Variants in LCORL observed in about 807,000 individuals in gnomAD.
LCORL encodes ligand dependent nuclear receptor corepressor like.
In LCORL, 41 loss-of-function variants were observed where a neutral mutation model predicts 141.8. The observed-to-expected ratio is 0.29, with a 90% CI of 0.23 to 0.38. LCORL has a LOEUF of 0.38. Among genes scored for constraint, LCORL ranks in the 10% least tolerant of loss-of-function variants. The pLI, the probability that LCORL is intolerant of heterozygous loss-of-function variation, is 1.00. For missense variants in LCORL, 1,759 were observed against 2,035.0 expected (o/e 0.86, Z 2.61); for synonymous variants, 618 against 694.1 (o/e 0.89, Z 1.72).
intron 5 of LCORL, among the ~76,000 whole-genome samples, chr4:17,897,749 G>A (rs940818947): frequency 1.5e-4 from 23 of 151,986 alleles, no homozygotes; most frequent in African/African-American, 5.6e-4. Context: ...CTTTAACATT[G>A]ACTCCTGTAT....
intron 4 of LCORL, among the ~76,000 whole-genome samples, chr4:17,940,151 TATGTATATATATGTATAC>T (rs1737659404): frequency 7.6e-6 from 1 of 131,978 alleles, no homozygotes; most frequent in Non-Finnish European, 1.7e-5. Flanking sequence ...TATATGTATA[TATGTATATATATGTATAC>T]ATGTATATAT....
chr4:17,990,070 C>G (rs1454460281), intron 1 of LCORL, among the ~76,000 whole-genome samples: 3 of 150,414 alleles, frequency 2.0e-5, no homozygotes, highest in Non-Finnish European at 3.0e-5. Flanking sequence ...CTTCTACCAC[C>G]AGCAGAAAAA....
intron 1 of LCORL, among the ~76,000 whole-genome samples, chr4:17,987,657 T>C (rs778538923): frequency 6.6e-6 from 1 of 152,182 alleles, no homozygotes; most frequent in African/African-American, 2.4e-5. Context: ...CCTATAACAA[T>C]TTCTCCACAT....
chr4:17,877,189 GAAT>G, exon 7 of LCORL: 1 of 1,230,160 alleles, frequency 8.1e-7, no homozygotes, highest in African/African-American at 1.6e-5. Context: ...AATCTTGTCT[GAAT>G]AATTTTATTT....
exon 7 of LCORL, chr4:17,876,976 G>C: frequency 8.1e-7 from 1 of 1,230,470 alleles, no homozygotes; most frequent in Non-Finnish European, 1.0e-6. Flanking sequence ...GAAGGCCCTT[G>C]GTCATGATAG....
intron 1 of LCORL, among the ~76,000 whole-genome samples, chr4:17,999,003 TAC>T (rs1164083963): frequency 1.7e-4 from 11 of 65,050 alleles, no homozygotes; most frequent in African/African-American, 6.1e-4. Context: ...TATATATATA[TAC>T]ACACATATAT....
chr4:17,848,937 C>T (rs1394658647), intron 7 of LCORL, among the ~76,000 whole-genome samples: 1 of 152,242 alleles, frequency 6.6e-6, no homozygotes, highest in Non-Finnish European at 1.5e-5. Context: ...GCTAGCACAG[C>T]AGTCTGAGAT....
intron 7 of LCORL, among the ~76,000 whole-genome samples, chr4:17,866,103 T>G (rs1313108548): frequency 6.6e-6 from 1 of 152,164 alleles, no homozygotes; most frequent in Non-Finnish European, 1.5e-5. Flanking sequence ...CATCTCCTTC[T>G]TTCTTGACTA....
At chr4:17,972,480 A>C (rs895031314) in intron 2 of LCORL, among the ~76,000 whole-genome samples, 3 of 151,782 alleles carry the variant, frequency 2.0e-5, no homozygotes, top group Non-Finnish European at 4.4e-5. Flanking sequence ...AAGTTTAATA[A>C]TTTGATTAAG....
rs1379188945 is a variant in LCORL at position 17,916,821 on chromosome 4, T to C, written c.431-7476A>G. On this transcript the variant is annotated intron_variant, in intron 4 of 7. Coordinates refer to ENST00000635767, the Ensembl canonical transcript of LCORL. ...CACCAAGCCCAGCTAAGTTTTGTAT[T>C]TTTAGTAGCGGCTGGGTTTTGCCAT... 5.3e-5 allele frequency among the ~76,000 whole-genome samples: 8 copies of C among 152,062 alleles called. No homozygotes were observed. The East Asian group carries it at 1.6e-3, about 29-fold the overall frequency.
At chr4:17,910,673 G>A (rs1732378243) in intron 4 of LCORL, among the ~76,000 whole-genome samples, 1 of 152,140 alleles carries the variant, frequency 6.6e-6, no homozygotes, top group Admixed American at 6.5e-5. Flanking sequence ...ACTATTTGGA[G>A]GTGAGGAGAG....
exon 7 of LCORL, chr4:17,876,655 G>A (rs1251409052): frequency 8.1e-7 from 1 of 1,230,646 alleles, no homozygotes; most frequent in African/African-American, 1.6e-5. Flanking sequence ...TACCACCCTG[G>A]AGGCACAATA....
chr4:17,927,358 C>G (rs1232004144), intron 4 of LCORL, among the ~76,000 whole-genome samples: 1 of 152,216 alleles, frequency 6.6e-6, no homozygotes, highest in Non-Finnish European at 1.5e-5. Flanking sequence ...TTCTCCCTAT[C>G]AGCAATAAGC....
At chr4:17,847,677 G>C (rs760303415) in intron 7 of LCORL, among the ~76,000 whole-genome samples, 40 of 152,128 alleles carry the variant, frequency 2.6e-4, no homozygotes, top group Non-Finnish European at 5.3e-4. Context: ...AATGATAACT[G>C]AATTTAGAAA....
At chr4:17,910,044 G>A (rs796734758) in intron 4 of LCORL, among the ~76,000 whole-genome samples, 10 of 152,140 alleles carry the variant, frequency 6.6e-5, no homozygotes, top group African/African-American at 1.9e-4. Context: ...ATTTCAGCAC[G>A]GATATCCTAA....
intron 2 of LCORL, among the ~76,000 whole-genome samples, chr4:17,972,473 T>A (rs1716153723): frequency 6.6e-6 from 1 of 151,724 alleles, no homozygotes; most frequent in Non-Finnish European, 1.5e-5. Flanking sequence ...TCAATTAAAG[T>A]TTAATAATTT....
At chr4:17,904,003 CATA>C (rs141445463) in intron 5 of LCORL, among the ~76,000 whole-genome samples, 4,006 of 151,878 alleles carry the variant, frequency 0.026, 54 homozygotes, top group South Asian at 0.031. Context: ...GTCTTGGAGA[CATA>C]ATAATTTTTA....
At chr4:18,005,634 C>T (rs1460023399) in intron 1 of LCORL, among the ~76,000 whole-genome samples, 1 of 152,216 alleles carries the variant, frequency 6.6e-6, no homozygotes, top group Non-Finnish European at 1.5e-5. Context: ...TCCCCTAAAC[C>T]TAATTCTTGA....
chr4:17,894,588 T>C (rs1729604710), intron 5 of LCORL, among the ~76,000 whole-genome samples: 1 of 152,220 alleles, frequency 6.6e-6, no homozygotes, highest in Non-Finnish European at 1.5e-5. Context: ...AACAGTTTTG[T>C]AGATCTCTTT....
Sources: allele counts gnomAD v4.1 joint callset (sites outside exome capture counted in the v4.1 genomes callset), GRCh38; gene constraint gnomAD v4.1.1; transcripts MANE v1.5; gene names NCBI Gene and HGNC (gene_info 2026-07-23, HGNC 2026-07-21).